CHRM2: variants seen among roughly 807,000 people sequenced by gnomAD.
CHRM2 encodes the protein muscarinic acetylcholine receptor M2.
CHRM2 carries 8 observed loss-of-function variants against 25.0 expected under a neutral mutation model. That is an observed-to-expected ratio of 0.32 (90% confidence interval 0.19 to 0.58). The LOEUF is 0.58. Among genes scored for constraint, CHRM2 ranks in the 20% least tolerant of loss-of-function variants. The probability of loss-of-function intolerance (pLI) is 0.88; values close to 1 mark genes in which losing one functional copy is unlikely to be tolerated. For missense variants in CHRM2, 440 were observed against 567.1 expected (o/e 0.78, Z 2.28); for synonymous variants, 202 against 205.7 (o/e 0.98, Z 0.15).
intron 3 of CHRM2, among the ~76,000 whole-genome samples, chr7:137,014,531 G>A (rs1805042068): frequency 6.6e-6 from 1 of 151,952 alleles, no homozygotes; most frequent in Non-Finnish European, 1.5e-5. Flanking sequence ...TTCATGGATT[G>A]ATGAGATATA....
At chr7:136,971,883 T>C (rs898489013) in intron 2 of CHRM2, among the ~76,000 whole-genome samples, 27 of 152,168 alleles carry the variant, frequency 1.8e-4, no homozygotes, top group African/African-American at 5.5e-4. Context: ...TCACCTTCAC[T>C]ACTCTCATCT....
At chr7:137,012,641 T>C (rs10282542) in intron 3 of CHRM2, among the ~76,000 whole-genome samples, 5,687 of 152,048 alleles carry the variant, frequency 0.037, 186 homozygotes, top group African/African-American at 0.083. Flanking sequence ...TAATATTCCA[T>C]TGTAAGAGTA....
chr7:136,921,330 T>C (rs1348240143), intron 2 of CHRM2, among the ~76,000 whole-genome samples: 1 of 152,066 alleles, frequency 6.6e-6, no homozygotes, highest in Non-Finnish European at 1.5e-5. Flanking sequence ...CTCTTCATTG[T>C]CTCCAGTGAG....
rs57705639 is a variant in CHRM2 at position 136,930,898 on chromosome 7, C to CAAAAAAA, written c.-124-61266_-124-61260dup. On this transcript the variant is annotated intron_variant, in intron 2 of 3. Transcript: ENST00000680005. ...GGCTACAGAGCCAGACTCATTCTCT[C>CAAAAAAA]AAAAAAAAAAAAAAAAAAAAAAAAA... Among the ~76,000 whole-genome samples the CAAAAAAA allele has an allele frequency of 3.2e-3, 195 of 61,102 alleles. 4 individuals are homozygous for CAAAAAAA. Among genetic ancestry groups the CAAAAAAA allele is most frequent in the African/African-American group, 7.4e-3 (184 of 24,982 alleles). 40.1% of individuals were successfully genotyped at this position (61,102 alleles called of 152,430 possible). A position where few individuals can be genotyped will look rare whatever the true frequency, so the allele number is the denominator to read the frequency against.
chr7:136,960,665 C>T (rs1801014830), intron 2 of CHRM2, among the ~76,000 whole-genome samples: 1 of 152,218 alleles, frequency 6.6e-6, no homozygotes, highest in Non-Finnish European at 1.5e-5. Flanking sequence ...TTTGACAAAA[C>T]ATGCTTGAAG....
At chr7:136,961,570 T>G (rs1052747211) in intron 2 of CHRM2, among the ~76,000 whole-genome samples, 1 of 152,218 alleles carries the variant, frequency 6.6e-6, no homozygotes, top group Non-Finnish European at 1.5e-5. Flanking sequence ...ATTTCTAATT[T>G]TTTTTCATTC....
intron 2 of CHRM2, among the ~76,000 whole-genome samples, chr7:136,891,361 G>T (rs1266520876): frequency 1.3e-5 from 2 of 152,122 alleles, no homozygotes; most frequent in Non-Finnish European, 2.9e-5. Flanking sequence ...TGACAGCTTT[G>T]AAGAGTTCTG....
chr7:136,911,804 T>C (rs1026202363), intron 2 of CHRM2, among the ~76,000 whole-genome samples: 1 of 152,010 alleles, frequency 6.6e-6, no homozygotes, highest in Non-Finnish European at 1.5e-5. Flanking sequence ...ATGATATTTT[T>C]ATAAATGTGG....
chr7:136,906,667 G>C (rs1422804708), intron 2 of CHRM2, among the ~76,000 whole-genome samples: 3 of 151,278 alleles, frequency 2.0e-5, no homozygotes, highest in Non-Finnish European at 3.0e-5. Flanking sequence ...TTAATATTTT[G>C]AGCGAATGCA....
At chr7:136,978,890 G>A (rs1045802059) in intron 2 of CHRM2, among the ~76,000 whole-genome samples, 1 of 152,108 alleles carries the variant, frequency 6.6e-6, no homozygotes, top group Non-Finnish European at 1.5e-5. Context: ...TTACTATTGT[G>A]AATAGTGCTA....
chr7:136,928,537 CACTTT>C (rs1798872621), intron 2 of CHRM2, among the ~76,000 whole-genome samples: 1 of 152,120 alleles, frequency 6.6e-6, no homozygotes, highest in African/African-American at 2.4e-5. Flanking sequence ...AATACTCATC[CACTTT>C]ACTTGTATTC....
chr7:136,945,173 G>C (rs1196359694), intron 2 of CHRM2, among the ~76,000 whole-genome samples: 1 of 151,920 alleles, frequency 6.6e-6, no homozygotes, highest in Admixed American at 6.6e-5. Context: ...CTCCCCCTCT[G>C]TGGGTTGTCT....
intron 2 of CHRM2, among the ~76,000 whole-genome samples, chr7:136,942,412 C>A (rs907452544): frequency 1.3e-5 from 2 of 152,162 alleles, no homozygotes; most frequent in Admixed American, 1.3e-4. Flanking sequence ...GCCACCTGTT[C>A]CCAAGGACCA....
At chr7:136,956,243 G>T (rs1384980698) in intron 2 of CHRM2, among the ~76,000 whole-genome samples, 1 of 152,168 alleles carries the variant, frequency 6.6e-6, no homozygotes, top group Non-Finnish European at 1.5e-5. Context: ...ATAAAATATG[G>T]ACTTTATGAG....
intron 2 of CHRM2, among the ~76,000 whole-genome samples, chr7:136,916,190 A>G (rs1049554637): frequency 6.6e-6 from 1 of 151,018 alleles, no homozygotes; most frequent in African/African-American, 2.4e-5. Flanking sequence ...TGGGAGTGAT[A>G]TAAGTGTATC....
chr7:136,997,343 C>G (rs1345597418), intron 3 of CHRM2, among the ~76,000 whole-genome samples: 1 of 152,110 alleles, frequency 6.6e-6, no homozygotes, highest in African/African-American at 2.4e-5. Context: ...ACTGTTTTAT[C>G]CCCTGAAGTT....
chr7:136,968,271 G>GA (rs1311994276), intron 2 of CHRM2, among the ~76,000 whole-genome samples: 2 of 151,844 alleles, frequency 1.3e-5, no homozygotes, highest in East Asian at 1.9e-4. Flanking sequence ...ATAAGTATAT[G>GA]AAAAAATGCT....
intron 2 of CHRM2, among the ~76,000 whole-genome samples, chr7:136,978,017 AT>A (rs1802221293): frequency 8.0e-6 from 1 of 125,308 alleles, no homozygotes; most frequent in Admixed American, 8.6e-5. Flanking sequence ...CCCATTACTT[AT>A]TTTTGTTGAA....
chr7:136,904,266 C>T (rs1797406666), intron 2 of CHRM2, among the ~76,000 whole-genome samples: 1 of 151,806 alleles, frequency 6.6e-6, no homozygotes, highest in Admixed American at 6.6e-5. Flanking sequence ...TCCTGGAAAA[C>T]TTCTGGTAAA....
Sources: gnomAD v4.1 joint callset for allele counts (sites outside exome capture counted in the v4.1 genomes callset) on GRCh38, gnomAD v4.1.1 for gene constraint, MANE v1.5 for transcripts, NCBI Gene and HGNC (gene_info 2026-07-23, HGNC 2026-07-21) for gene names.